RSRC1: variants seen among roughly 807,000 people sequenced by gnomAD.
RSRC1 encodes serine/Arginine-related protein 53.
In RSRC1, 39 loss-of-function variants were observed where a neutral mutation model predicts 49.1. The ratio of observed to expected loss-of-function variants is 0.79; its 90% confidence interval spans 0.61 to 1.04. The LOEUF (loss-of-function observed/expected upper bound fraction) is 1.04, where lower values mean the gene tolerates loss of function less well. Among genes scored for constraint, RSRC1 ranks in the 50% least tolerant of loss-of-function variants. The pLI is 0.00. For missense variants in RSRC1, 388 were observed against 402.4 expected (o/e 0.96, Z 0.31); for synonymous variants, 143 against 130.8 (o/e 1.09, Z -0.63).
At chr3:158,113,348 T>G (rs1225031414) in intron 1 of RSRC1, among the ~76,000 whole-genome samples, 2 of 149,746 alleles carry the variant, frequency 1.3e-5, no homozygotes, top group Non-Finnish European at 3.0e-5. Context: ...TCCACAGCCT[T>G]GCCAGCATCT....
chr3:158,527,540 T>A (rs902678489), intron 7 of RSRC1, among the ~76,000 whole-genome samples: 3 of 151,966 alleles, frequency 2.0e-5, no homozygotes, highest in Non-Finnish European at 4.4e-5. Flanking sequence ...CATCCTCTAA[T>A]AAACCAATAC....
chr3:158,431,385 C>T (rs925507525), intron 6 of RSRC1, among the ~76,000 whole-genome samples: 4 of 151,578 alleles, frequency 2.6e-5, no homozygotes, highest in African/African-American at 9.7e-5. Flanking sequence ...TTGAAACAAC[C>T]CAGATTTTCT....
At chr3:158,544,152 A>G in intron 9 of RSRC1, 31 bp from the exon 10 acceptor site, 1 of 1,477,560 alleles carries the variant, frequency 6.8e-7, no homozygotes, top group Non-Finnish European at 9.4e-7. Context: ...GGGAGACAGT[A>G]ACATTTTTTC....
At chr3:158,259,307 G>A (rs973149041) in intron 4 of RSRC1, among the ~76,000 whole-genome samples, 3 of 152,178 alleles carry the variant, frequency 2.0e-5, no homozygotes, top group Non-Finnish European at 4.4e-5. Context: ...TCCAAGCCCA[G>A]TAATGCTGTG....
rs369255598 is a variant in RSRC1 at position 158,318,266 on chromosome 3, CAT to C, written c.531+20192_531+20193del. 1.2e-4 allele frequency among the ~76,000 whole-genome samples: 18 copies of C among 152,208 alleles called. No individual in the cohort carries two copies. The East Asian group carries it at 2.1e-3, about 18-fold the overall frequency. ...TGTGATAGAGCCATTAATTCACCCA[CAT>C]GTTACCATATGACAGTCTCCTAGCA... On this transcript the variant is annotated intron_variant, in intron 5 of 9. Transcript: ENST00000611884.
At chr3:158,119,302 A>G (rs1380323816) in intron 1 of RSRC1, among the ~76,000 whole-genome samples, 1 of 152,186 alleles carries the variant, frequency 6.6e-6, no homozygotes, top group South Asian at 2.1e-4. Context: ...TTGCCTGATA[A>G]TAAGTTTTCT....
chr3:158,512,246 A>G (rs1244615075), intron 7 of RSRC1, among the ~76,000 whole-genome samples: 1 of 144,616 alleles, frequency 6.9e-6, no homozygotes, highest in Admixed American at 6.9e-5. Context: ...TTATGGTTTT[A>G]GGTCTAACGT....
intron 5 of RSRC1, among the ~76,000 whole-genome samples, chr3:158,325,721 T>C (rs982998994): frequency 1.3e-5 from 2 of 152,228 alleles, no homozygotes; most frequent in Non-Finnish European, 2.9e-5. Flanking sequence ...GGCTCTTTTT[T>C]GGTTCCATAT....
chr3:158,333,967 A>C (rs1030675137), intron 5 of RSRC1, among the ~76,000 whole-genome samples: 1 of 152,342 alleles, frequency 6.6e-6, no homozygotes, highest in South Asian at 2.1e-4. Flanking sequence ...GGATTTAAAA[A>C]GTGGGAAGTA....
At chr3:158,360,723 G>T (rs1023696083) in intron 6 of RSRC1, among the ~76,000 whole-genome samples, 2 of 152,238 alleles carry the variant, frequency 1.3e-5, no homozygotes, top group African/African-American at 2.4e-5. Context: ...TGAGATTGGA[G>T]CAGGTGCCAG....
In RSRC1 at chr3:158,285,876, C is replaced by T. The variant is rs2108088001; in HGVS notation, c.495-12163C>T. Among the ~76,000 whole-genome samples the T allele has an allele frequency of 2.6e-5, 4 of 152,304 alleles. No homozygotes were observed. In the South Asian group the frequency reaches 8.3e-4, roughly 32 times the overall value. ...GACTTCCTCTTTTCCTAATTGAATA[C>T]TCTTTATTTCCCTCTCCTGCCTAAT... On this transcript the variant is annotated intron_variant, in intron 4 of 9. Transcript: ENST00000611884.
At chr3:158,163,439 C>G (rs994113163) in intron 3 of RSRC1, among the ~76,000 whole-genome samples, 10 of 152,122 alleles carry the variant, frequency 6.6e-5, no homozygotes, top group African/African-American at 2.4e-4. Flanking sequence ...CTCTGGGCTA[C>G]TAAGTCAGGT....
At chr3:158,407,595 T>C (rs1171115293) in intron 6 of RSRC1, among the ~76,000 whole-genome samples, 5 of 152,178 alleles carry the variant, frequency 3.3e-5, no homozygotes, top group African/African-American at 1.2e-4. Flanking sequence ...ATGTAAACTG[T>C]GTATCCTGGG....
In RSRC1 at chr3:158,431,445, G is replaced by C. The variant is rs143096605; in HGVS notation, c.584-29490G>C. On this transcript the variant is annotated intron_variant, in intron 6 of 9. Coordinates refer to ENST00000611884, the MANE Select transcript of RSRC1 (RefSeq NM_001271838.2). Reference sequence around the variant, plus strand: ...TTTTAAAATGAAAATAAGTTATTTAGAAAGTTTTCTTTTCATTTATTCTGC... The same window carrying C: ...TTTTAAAATGAAAATAAGTTATTTACAAAGTTTTCTTTTCATTTATTCTGC... Among the ~76,000 whole-genome samples the C allele has an allele frequency of 6.6e-4, 100 of 151,836 alleles. 1 individual carries two copies. The East Asian group carries it at 0.012, about 19-fold the overall frequency.
chr3:158,183,768 T>C (rs76994017), intron 3 of RSRC1, among the ~76,000 whole-genome samples: 3,670 of 151,710 alleles, frequency 0.024, 158 homozygotes, highest in African/African-American at 0.085. Flanking sequence ...ATAAAAAAAT[T>C]AGTTGGGCAT....
rs140385486 is a variant in RSRC1, at chr3:158,229,089, AAC to A, written c.494+25850_494+25851del. On this transcript the variant is annotated intron_variant, in intron 4 of 9. Coordinates refer to ENST00000611884, the MANE Select transcript of RSRC1 (RefSeq NM_001271838.2). The stretch of plus-strand genomic sequence containing the variant: ...ATAAACACGTGTATATGTGTGTATA[AAC>A]ACACATACGTGTATATGTGTATATA... 9.8e-4 allele frequency among the ~76,000 whole-genome samples: 28 copies of A among 28,552 alleles called. 5 individuals are homozygous for A. Among genetic ancestry groups the A allele is most frequent in the East Asian group, 5.2e-3 (2 of 386 alleles). 18.7% of individuals were successfully genotyped at this position (28,552 alleles called of 152,430 possible). A position where few individuals can be genotyped will look rare whatever the true frequency, so the allele number is the denominator to read the frequency against.
chr3:158,505,618 C>G (rs1370889034), intron 7 of RSRC1, among the ~76,000 whole-genome samples: 1 of 151,934 alleles, frequency 6.6e-6, no homozygotes, highest in African/African-American at 2.4e-5. Flanking sequence ...TTTTGAAAAA[C>G]TAGATAATAG....
intron 5 of RSRC1, among the ~76,000 whole-genome samples, chr3:158,316,438 ATTTTTTTTTTTT>A (rs564633575): frequency 2.8e-5 from 2 of 72,220 alleles, no homozygotes; most frequent in African/African-American, 6.4e-5. Context: ...AGAATCTCTC[ATTTTTTTTTTTT>A]TTTTTTTTTT....
intron 4 of RSRC1, among the ~76,000 whole-genome samples, chr3:158,273,693 C>G (rs1479383793): frequency 6.6e-6 from 1 of 152,120 alleles, no homozygotes; most frequent in Non-Finnish European, 1.5e-5. Context: ...TGGTAAGCAT[C>G]CCCATACTGA....
Sources: gnomAD v4.1 joint callset for allele counts (sites outside exome capture counted in the v4.1 genomes callset) on GRCh38, gnomAD v4.1.1 for gene constraint, MANE v1.5 for transcripts, NCBI Gene and HGNC (gene_info 2026-07-23, HGNC 2026-07-21) for gene names.